TMCC1: variants seen among roughly 807,000 people sequenced by gnomAD.
TMCC1 encodes transmembrane and coiled-coil domains protein 1.
In TMCC1, 15 loss-of-function variants were observed where a neutral mutation model predicts 52.4. That is an observed-to-expected ratio of 0.29 (90% CI 0.19 to 0.44). TMCC1 has a LOEUF of 0.44. Ranked by LOEUF, TMCC1 falls within the 20% of genes least tolerant of loss-of-function variation. The probability of loss-of-function intolerance (pLI) is 1.00; values close to 1 mark genes in which losing one functional copy is unlikely to be tolerated. For missense variants in TMCC1, 503 were observed against 806.0 expected, an observed-to-expected ratio of 0.62 and a Z score of 4.55; for synonymous variants, 279 against 301.9, an observed-to-expected ratio of 0.92 and a Z score of 0.79.
chr3:129,837,113 A>G (rs1020789875), intron 2 of TMCC1, among the ~76,000 whole-genome samples: 4 of 152,158 alleles, frequency 2.6e-5, no homozygotes, highest in Non-Finnish European at 5.9e-5. Flanking sequence ...GCAGGCGGAA[A>G]GAGCTGAAAA....
intron 4 of TMCC1, among the ~76,000 whole-genome samples, chr3:129,787,272 G>A (rs539568016): frequency 2.0e-5 from 3 of 152,196 alleles, no homozygotes; most frequent in African/African-American, 7.2e-5. Flanking sequence ...AAGTGAAAAG[G>A]AAAGCTATGA....
At chr3:129,743,660 A>C (rs2051662299) in intron 4 of TMCC1, among the ~76,000 whole-genome samples, 1 of 152,148 alleles carries the variant, frequency 6.6e-6, no homozygotes, top group African/African-American at 2.4e-5. Flanking sequence ...TTTTGGATTA[A>C]AAAAAGTCTC....
intron 4 of TMCC1, among the ~76,000 whole-genome samples, chr3:129,815,781 A>G (rs1476797432): frequency 6.6e-6 from 1 of 152,210 alleles, no homozygotes; most frequent in Non-Finnish European, 1.5e-5. Context: ...TCTGCACAGC[A>G]AAGGAAACAA....
At chr3:129,657,666 T>C (rs746593265) in intron 5 of TMCC1, among the ~76,000 whole-genome samples, 1 of 152,198 alleles carries the variant, frequency 6.6e-6, no homozygotes, top group Non-Finnish European at 1.5e-5. Context: ...AGAGCTACAC[T>C]GATGTGATGG....
chr3:129,881,738 G>C (rs1412347283), intron 1 of TMCC1, among the ~76,000 whole-genome samples: 1 of 152,058 alleles, frequency 6.6e-6, no homozygotes, highest in Non-Finnish European at 1.5e-5. Context: ...ACATTGGATG[G>C]AACTAGCAGC....
intron 1 of TMCC1, among the ~76,000 whole-genome samples, chr3:129,892,327 T>A (rs1366740256): frequency 6.6e-6 from 1 of 152,168 alleles, no homozygotes; most frequent in Non-Finnish European, 1.5e-5. Context: ...ACAAGCCAAC[T>A]CTGTTGGTAG....
At chr3:129,839,302 T>C (rs2059316031) in intron 2 of TMCC1, among the ~76,000 whole-genome samples, 1 of 152,150 alleles carries the variant, frequency 6.6e-6, no homozygotes, top group African/African-American at 2.4e-5. Context: ...ACTATAACCA[T>C]ACTTTAACTA....
chr3:129,755,751 T>C (rs559077539), intron 4 of TMCC1, among the ~76,000 whole-genome samples: 1 of 152,190 alleles, frequency 6.6e-6, no homozygotes, highest in Non-Finnish European at 1.5e-5. Context: ...CCTGGTAATG[T>C]GGAACAAGAA....
At position 129,726,868 on chromosome 3, in the gene TMCC1, CAAAAAAAAAAAAAAAAAAAAAAAA is replaced by C. The variant is rs550398948; in HGVS notation, c.577-55628_577-55605del. The stretch of plus-strand genomic sequence containing the variant: ...TGGGTAACAGAGCAAGACTCTGTCT[CAAAAAAAAAAAAAAAAAAAAAAAA>C]AAAAAAGAACCACTGTTCAAACCAA... On this transcript the variant is annotated intron_variant, in intron 4 of 6. Transcript: ENST00000393238. Among the ~76,000 whole-genome samples, 2 of 12,814 alleles carry C rather than the reference CAAAAAAAAAAAAAAAAAAAAAAAA, an allele frequency of 1.6e-4. 1 individual carries two copies. 8.4% of individuals were successfully genotyped at this position (12,814 alleles called of 152,430 possible).
intron 4 of TMCC1, among the ~76,000 whole-genome samples, chr3:129,762,142 A>G: frequency 6.6e-6 from 1 of 150,868 alleles, no homozygotes; most frequent in Non-Finnish European, 1.5e-5. Context: ...GGCTCAAGAG[A>G]TCCTCCCACT....
chr3:129,805,665 G>T (rs2057420804), intron 4 of TMCC1, among the ~76,000 whole-genome samples: 1 of 152,120 alleles, frequency 6.6e-6, no homozygotes, highest in Non-Finnish European at 1.5e-5. Context: ...GGACTGGGTG[G>T]CCCACTCCTG....
rs766844460 is a variant in TMCC1 at position 129,828,068 on chromosome 3, C to T, written c.311G>A (p.Arg104His). Residue 104 changes from arginine to histidine, a missense_variant, in exon 4 of 7, where the codon CGT becomes CAT. Arg to His is a conservative substitution (Grantham distance 29). Coordinates refer to ENST00000393238, the MANE Select transcript of TMCC1 (RefSeq NM_001017395.5). This position sits in a 1 kb window ranked among gnomAD's most constrained non-coding sequence, Gnocchi z 4.1. ...GVPTHPTALN[R>H]VLQQIRVPPK... ...TGGCACTCGAATCTGCTGCAGGACA[C>T]GATTCAGAGCTGTGGGGTGGGTGGG... 2.5e-6 allele frequency: 4 copies of T among 1,613,992 alleles called. No individual in the cohort carries two copies. Among genetic ancestry groups the T allele is most frequent in the African/African-American group, 1.3e-5 (1 of 74,888 alleles).
intron 2 of TMCC1, among the ~76,000 whole-genome samples, chr3:129,838,363 C>T (rs1056815573): frequency 9.2e-5 from 14 of 151,924 alleles, no homozygotes; most frequent in Admixed American, 2.0e-4. Flanking sequence ...GAGCCGTGAG[C>T]GTCCCACTGC....
intron 4 of TMCC1, among the ~76,000 whole-genome samples, chr3:129,814,948 TAATAC>T (rs1303546348): frequency 6.6e-6 from 1 of 151,804 alleles, no homozygotes; most frequent in Non-Finnish European, 1.5e-5. Context: ...TGATAGACTG[TAATAC>T]AATACTAGTA....
intron 4 of TMCC1, among the ~76,000 whole-genome samples, chr3:129,759,321 G>A (rs536808140): frequency 2.7e-5 from 4 of 148,500 alleles, no homozygotes; most frequent in Non-Finnish European, 4.4e-5. Context: ...AGGCTGGAGT[G>A]CAGTGGCACA....
chr3:129,818,500 T>C (rs563067984), intron 4 of TMCC1, among the ~76,000 whole-genome samples: 151 of 33,074 alleles, frequency 4.6e-3, no homozygotes, highest in African/African-American at 0.014. Flanking sequence ...AGAAAAGTTT[T>C]AAAGAAACTT....
chr3:129,870,505 C>T (rs904613633), intron 2 of TMCC1, among the ~76,000 whole-genome samples: 8 of 151,354 alleles, frequency 5.3e-5, no homozygotes, highest in East Asian at 2.0e-4. Flanking sequence ...TTTGGGAGGC[C>T]GAGGCGGGCA....
chr3:129,712,421 C>T (rs916814691), intron 4 of TMCC1, among the ~76,000 whole-genome samples: 1 of 152,006 alleles, frequency 6.6e-6, no homozygotes, highest in Non-Finnish European at 1.5e-5. Flanking sequence ...GAGTTAAAGA[C>T]GCAAGTCTCT....
chr3:129,694,574 A>G (rs1475934002), intron 4 of TMCC1, among the ~76,000 whole-genome samples: 1 of 152,222 alleles, frequency 6.6e-6, no homozygotes, highest in African/African-American at 2.4e-5. Context: ...AGGTTGCAGT[A>G]AAGAAGCCAG....
Sources: gnomAD v4.1 joint callset for allele counts (sites outside exome capture counted in the v4.1 genomes callset) on GRCh38, gnomAD v4.1.1 for gene constraint, Gnocchi (gnomAD v3.1) non-coding constraint, MANE v1.5 for transcripts, NCBI Gene and HGNC (gene_info 2026-07-23, HGNC 2026-07-21) for gene names.